The following RSPO2 variants were observed in gnomAD, a reference collection of about 807,000 sequenced individuals.
RSPO2 encodes R-spondin-2.
In RSPO2, 14 loss-of-function variants were observed where a neutral mutation model predicts 30.9. The ratio of observed to expected loss-of-function variants is 0.45; its 90% CI spans 0.30 to 0.71. The LOEUF (loss-of-function observed/expected upper bound fraction) is 0.71, where lower values mean the gene tolerates loss of function less well. Among genes scored for constraint, RSPO2 ranks in the 30% least tolerant of loss-of-function variants. The pLI, the probability that RSPO2 is intolerant of heterozygous loss-of-function variation, is 0.08. For synonymous variants in RSPO2, 107 were observed against 96.4 expected (o/e 1.11, Z -0.64); for missense variants, 264 against 301.9 (o/e 0.87, Z 0.93).
intron 3 of RSPO2, among the ~76,000 whole-genome samples, chr8:107,981,934 T>C (rs767227548): frequency 4.1e-5 from 6 of 144,952 alleles, no homozygotes; most frequent in African/African-American, 5.1e-5. Flanking sequence ...CTGGGGAGGC[T>C]GTAGTGGGAG....
chr8:107,987,766 T>C (rs1814696052), intron 3 of RSPO2, among the ~76,000 whole-genome samples: 1 of 152,214 alleles, frequency 6.6e-6, no homozygotes. Flanking sequence ...CCACTAGTTC[T>C]GCCACCTTCC....
At chr8:107,999,140 C>T (rs1815136525) in intron 2 of RSPO2, among the ~76,000 whole-genome samples, 1 of 152,008 alleles carries the variant, frequency 6.6e-6, no homozygotes, top group Admixed American at 6.6e-5. Flanking sequence ...GTTTACAAAG[C>T]TTTAACCTCC....
chr8:108,007,828 T>C (rs528266068), intron 2 of RSPO2, among the ~76,000 whole-genome samples: 999 of 152,188 alleles, frequency 6.6e-3, no homozygotes, highest in Non-Finnish European at 0.01. Flanking sequence ...TAGTCTCAGC[T>C]ACTCCAGAGG....
At chr8:108,043,769 G>A (rs1413165730) in intron 2 of RSPO2, among the ~76,000 whole-genome samples, 1 of 152,030 alleles carries the variant, frequency 6.6e-6, no homozygotes, top group East Asian at 1.9e-4. Context: ...TCTGCAGGCT[G>A]GTTCTGGCTG....
chr8:108,040,986 ATTTGT>A (rs1217664298), intron 2 of RSPO2, among the ~76,000 whole-genome samples: 1 of 152,130 alleles, frequency 6.6e-6, no homozygotes, highest in Non-Finnish European at 1.5e-5. Flanking sequence ...GGGTTTTTAC[ATTTGT>A]TTAGTTTTGT....
At chr8:107,983,811 C>A (rs1814533110) in intron 3 of RSPO2, 1 of 1,604,618 alleles carries the variant, frequency 6.2e-7, no homozygotes. Context: ...CTTGCCACCA[C>A]ATTCAGAAAC....
At chr8:107,984,167 T>A (rs552253685) in intron 3 of RSPO2, among the ~76,000 whole-genome samples, 8 of 152,266 alleles carry the variant, frequency 5.3e-5, no homozygotes, top group Non-Finnish European at 8.8e-5. Context: ...TCACTTGAGC[T>A]AATGATTCTG....
intron 2 of RSPO2, among the ~76,000 whole-genome samples, chr8:108,017,307 G>GA (rs1810922498): frequency 6.6e-6 from 1 of 152,128 alleles, no homozygotes; most frequent in Admixed American, 6.6e-5. Context: ...TTGAGCCACT[G>GA]CACCTGGCCA....
intron 2 of RSPO2, among the ~76,000 whole-genome samples, chr8:108,026,109 A>G (rs1381215039): frequency 6.6e-6 from 1 of 152,236 alleles, no homozygotes; most frequent in African/African-American, 2.4e-5. Context: ...AAAGAACACA[A>G]TAGCATGTTT....
intron 5 of RSPO2, among the ~76,000 whole-genome samples, chr8:107,914,655 A>T (rs1313542794): frequency 6.6e-6 from 1 of 152,058 alleles, no homozygotes; most frequent in Non-Finnish European, 1.5e-5. Context: ...CTCCTTTAGA[A>T]TTTTCAAAAA....
chr8:107,958,866 G>A (rs1813527285), intron 4 of RSPO2, among the ~76,000 whole-genome samples: 1 of 152,098 alleles, frequency 6.6e-6, no homozygotes, highest in South Asian at 2.1e-4. Flanking sequence ...GTCCCTGCAG[G>A]GGACTTGATC....
chr8:108,071,446 A>C (rs775855484), intron 2 of RSPO2, among the ~76,000 whole-genome samples: 2 of 152,196 alleles, frequency 1.3e-5, no homozygotes, highest in Non-Finnish European at 2.9e-5. Context: ...CTGTACATTT[A>C]TCAGACACCA....
intron 2 of RSPO2, among the ~76,000 whole-genome samples, chr8:108,021,230 T>C (rs1811049057): frequency 1.3e-5 from 2 of 152,208 alleles, no homozygotes; most frequent in African/African-American, 4.8e-5. Context: ...GGCAAATCAA[T>C]TGTACTTCTC....
At chr8:108,065,790 C>G (rs1170855071) in intron 2 of RSPO2, among the ~76,000 whole-genome samples, 2 of 152,112 alleles carry the variant, frequency 1.3e-5, no homozygotes, top group East Asian at 3.8e-4. Context: ...GTAATCCCAG[C>G]ACTTTGGGAG....
At chr8:107,964,638 A>G (rs1238127755) in intron 3 of RSPO2, among the ~76,000 whole-genome samples, 2 of 152,018 alleles carry the variant, frequency 1.3e-5, no homozygotes, top group African/African-American at 2.4e-5. Flanking sequence ...GCAGCTCCAG[A>G]TCCAACTACA....
intron 3 of RSPO2, among the ~76,000 whole-genome samples, chr8:107,977,524 G>A (rs945358092): frequency 6.6e-6 from 1 of 152,018 alleles, no homozygotes; most frequent in African/African-American, 2.4e-5. Context: ...GATGGAGATG[G>A]GATAATGATT....
At chr8:108,047,976 C>G (rs1045479277) in intron 2 of RSPO2, among the ~76,000 whole-genome samples, 1 of 151,794 alleles carries the variant, frequency 6.6e-6, no homozygotes, top group Non-Finnish European at 1.5e-5. Context: ...CTTTAGAGAA[C>G]AAATTATGTT....
chr8:107,967,927 T>TA (rs1813864074), intron 3 of RSPO2, among the ~76,000 whole-genome samples: 1 of 152,178 alleles, frequency 6.6e-6, no homozygotes, highest in Non-Finnish European at 1.5e-5. Flanking sequence ...TGTATTTTTT[T>TA]AAAGGTATTA....
chr8:108,003,519 G>A (rs1437178266), intron 2 of RSPO2, among the ~76,000 whole-genome samples: 1 of 151,018 alleles, frequency 6.6e-6, no homozygotes, highest in African/African-American at 2.4e-5. Context: ...AGGTTATTTT[G>A]ACATGCTTTG....
Sources: allele counts gnomAD v4.1 joint callset (sites outside exome capture counted in the v4.1 genomes callset), GRCh38; gene constraint gnomAD v4.1.1; transcripts MANE v1.5; gene names NCBI Gene and HGNC (gene_info 2026-07-23, HGNC 2026-07-21).